Variants in TRHDE observed in about 807,000 individuals in gnomAD.
TRHDE encodes thyrotropin releasing hormone degrading enzyme.
Under a neutral mutation model 125.7 loss-of-function variants are expected in TRHDE, and 72 were observed. The ratio of observed to expected loss-of-function variants is 0.57; its 90% confidence interval spans 0.47 to 0.70. The LOEUF (loss-of-function observed/expected upper bound fraction) is 0.70. Ranked by LOEUF, TRHDE falls within the 30% of genes least tolerant of loss-of-function variation. TRHDE has a pLI of 0.00. For missense variants in TRHDE, 1,110 were observed against 1,327.1 expected (o/e 0.84, Z 2.54); for synonymous variants, 509 against 509.1 (o/e 1.00, Z 0.00).
intron 12 of TRHDE, among the ~76,000 whole-genome samples, chr12:72,602,242 C>T (rs559346689): frequency 6.6e-6 from 1 of 152,204 alleles, no homozygotes; most frequent in African/African-American, 2.4e-5. Flanking sequence ...GGGTTGAAAA[C>T]TCCATTTGTA....
At chr12:72,180,148 T>C (rs183459225) in intron 2 of TRHDE, among the ~76,000 whole-genome samples, 34 of 152,190 alleles carry the variant, frequency 2.2e-4, no homozygotes, top group African/African-American at 8.2e-4. Context: ...CCTATGCAAA[T>C]ATGTATTAGG....
chr12:72,523,855 G>T (rs1381140947), intron 6 of TRHDE, among the ~76,000 whole-genome samples: 8 of 152,244 alleles, frequency 5.3e-5, no homozygotes, highest in Non-Finnish European at 1.2e-4. Context: ...TTCCCTGGAC[G>T]ATATGTTTTT....
chr12:72,146,228 C>T (rs1876223845), intron 2 of TRHDE, among the ~76,000 whole-genome samples: 1 of 152,174 alleles, frequency 6.6e-6, no homozygotes, highest in South Asian at 2.1e-4. Flanking sequence ...TGTTTAAATA[C>T]TCAAGGAGAT....
At chr12:72,588,791 G>A (rs1400840676) in intron 12 of TRHDE, among the ~76,000 whole-genome samples, 1 of 152,104 alleles carries the variant, frequency 6.6e-6, no homozygotes, top group Non-Finnish European at 1.5e-5. Context: ...GCCTGAGACT[G>A]GGTAACTTAT....
intron 3 of TRHDE, among the ~76,000 whole-genome samples, chr12:72,384,182 G>A (rs1031007298): frequency 3.9e-5 from 6 of 152,054 alleles, no homozygotes; most frequent in Non-Finnish European, 8.8e-5. Flanking sequence ...ATTAATGACA[G>A]TGTTCAGTTT....
intron 3 of TRHDE, among the ~76,000 whole-genome samples, chr12:72,409,038 C>G (rs560109796): frequency 6.6e-6 from 1 of 152,100 alleles, no homozygotes; most frequent in African/African-American, 2.4e-5. Flanking sequence ...ATTCAAGATG[C>G]CCAACAAATC....
chr12:72,643,753 T>C (rs2136102625), intron 15 of TRHDE, among the ~76,000 whole-genome samples: 1 of 152,322 alleles, frequency 6.6e-6, no homozygotes, highest in African/African-American at 2.4e-5. Flanking sequence ...CCAGAGGCTG[T>C]GTTTTAACAA....
chr12:72,096,400 G>A (rs1223217136), intron 1 of TRHDE, among the ~76,000 whole-genome samples: 1 of 152,086 alleles, frequency 6.6e-6, no homozygotes, highest in Non-Finnish European at 1.5e-5. Context: ...TCAAGTTTGG[G>A]CAATTAGATT....
intron 2 of TRHDE, among the ~76,000 whole-genome samples, chr12:72,189,160 TAC>T (rs1246611950): frequency 6.6e-6 from 1 of 152,208 alleles, no homozygotes; most frequent in Admixed American, 6.5e-5. Flanking sequence ...CAGTAAATAT[TAC>T]AGAGTGAAGA....
In TRHDE at chr12:72,583,469, A is replaced by G. The variant is rs542868409; in HGVS notation, c.2321+7927A>G. 5.3e-5 allele frequency among the ~76,000 whole-genome samples: 8 copies of G among 152,340 alleles called. No homozygotes were observed. The South Asian group carries it at 1.7e-3, about 32-fold the overall frequency. On this transcript the variant is annotated intron_variant, in intron 12 of 18. Transcript: ENST00000261180. Reference sequence around the variant, plus strand: ...ATCAGTGAAGGCTCAGTCTTGAGACATGCAAAAAAAGTCACCTTGAAGCAT... The same window carrying G: ...ATCAGTGAAGGCTCAGTCTTGAGACGTGCAAAAAAAGTCACCTTGAAGCAT...
chr12:72,121,625 T>C (rs1337092611), intron 2 of TRHDE, among the ~76,000 whole-genome samples: 2 of 152,066 alleles, frequency 1.3e-5, no homozygotes, highest in East Asian at 1.9e-4. Flanking sequence ...TATTCAAAAC[T>C]ATCTTTTCTA....
intron 9 of TRHDE, among the ~76,000 whole-genome samples, chr12:72,567,698 G>T (rs149203952): frequency 1.3e-5 from 2 of 152,040 alleles, no homozygotes; most frequent in African/African-American, 4.8e-5. Flanking sequence ...TACTGGAATT[G>T]TTGGCTACCC....
At chr12:72,517,035 A>G (rs1273468672) in intron 6 of TRHDE, among the ~76,000 whole-genome samples, 1 of 152,006 alleles carries the variant, frequency 6.6e-6, no homozygotes, top group East Asian at 1.9e-4. Context: ...GTGCTGCTGG[A>G]TTCAGTTTGC....
At chr12:72,096,609 C>G (rs1199961919) in intron 1 of TRHDE, among the ~76,000 whole-genome samples, 1 of 152,204 alleles carries the variant, frequency 6.6e-6, no homozygotes, top group African/African-American at 2.4e-5. Context: ...TTTGTTCTGT[C>G]CAGTCCTCCA....
intron 2 of TRHDE, among the ~76,000 whole-genome samples, chr12:72,321,040 T>C (rs78758123): frequency 0.025 from 3,868 of 152,258 alleles, 156 homozygotes; most frequent in African/African-American, 0.087. Context: ...TCTACCATAG[T>C]GTAGAAAAGG....
chr12:72,238,840 C>A (rs1878417178), intron 2 of TRHDE, among the ~76,000 whole-genome samples: 1 of 151,954 alleles, frequency 6.6e-6, no homozygotes, highest in Admixed American at 6.6e-5. Context: ...TGAATGATGC[C>A]ACAATAAACA....
At chr12:72,487,823 A>T (rs1227847042) in intron 5 of TRHDE, among the ~76,000 whole-genome samples, 3 of 152,132 alleles carry the variant, frequency 2.0e-5, no homozygotes, top group Admixed American at 6.5e-5. Flanking sequence ...AAAGCTACAA[A>T]AAGTTGTCCA....
At chr12:72,639,299 G>T (rs1208171490) in intron 15 of TRHDE, among the ~76,000 whole-genome samples, 3 of 151,132 alleles carry the variant, frequency 2.0e-5, no homozygotes, top group East Asian at 1.9e-4. Flanking sequence ...GATTGCATCG[G>T]CTCCTGAGGC....
chr12:72,641,694 G>A (rs951237359), intron 15 of TRHDE, among the ~76,000 whole-genome samples: 3 of 152,114 alleles, frequency 2.0e-5, no homozygotes, highest in Non-Finnish European at 4.4e-5. Flanking sequence ...CTACCGCAAA[G>A]CAATGAAAAC....
Sources: allele counts gnomAD v4.1 joint callset (sites outside exome capture counted in the v4.1 genomes callset), GRCh38; gene constraint gnomAD v4.1.1; transcripts MANE v1.5; gene names NCBI Gene and HGNC (gene_info 2026-07-23, HGNC 2026-07-21).